The following MACROD2 variants were observed in gnomAD, a reference collection of about 807,000 sequenced individuals.
MACROD2 encodes the protein ADP-ribose glycohydrolase MACROD2.
MACROD2 carries 36 observed loss-of-function variants against 70.4 expected under a neutral mutation model. That is an observed-to-expected ratio of 0.51 (90% confidence interval 0.39 to 0.68). The LOEUF is 0.68. Ranked by LOEUF, MACROD2 falls within the 30% of genes least tolerant of loss-of-function variation. MACROD2 has a pLI of 0.00. For synonymous variants in MACROD2, 172 were observed against 178.8 expected (o/e 0.96, Z 0.30); for missense variants, 496 against 538.4 (o/e 0.92, Z 0.78).
In MACROD2 at chr20:14,178,804, C is replaced by G. The variant is rs550114131; in HGVS notation, c.271+93076C>G. 7.4e-5 allele frequency among the ~76,000 whole-genome samples: 10 copies of G among 135,310 alleles called. No individual in the cohort carries two copies. The South Asian group carries it at 2.1e-3, about 29-fold the overall frequency. The allele number at this position is 135,310 out of a possible 152,430, so 88.8% of individuals were successfully genotyped here. A position where few individuals can be genotyped will look rare whatever the true frequency, so the allele number is the denominator to read the frequency against. Reference sequence around the variant, plus strand: ...GACTTGGATGTAGAGAAAGTTTGGTCTCTCTTCCTTGTCATGTAGTCTCAC... The same window carrying G: ...GACTTGGATGTAGAGAAAGTTTGGTGTCTCTTCCTTGTCATGTAGTCTCAC... On this transcript the variant is annotated intron_variant, in intron 3 of 17. Transcript: ENST00000684519.
chr20:15,534,373 TATTAC>T (rs1355884891), intron 8 of MACROD2, among the ~76,000 whole-genome samples: 5 of 152,214 alleles, frequency 3.3e-5, no homozygotes, highest in African/African-American at 1.2e-4. Flanking sequence ...ATATAAAGCC[TATTAC>T]ATTAAAGTAA....
At chr20:14,126,387 A>G (rs1317455945) in intron 3 of MACROD2, among the ~76,000 whole-genome samples, 1 of 152,218 alleles carries the variant, frequency 6.6e-6, no homozygotes, top group African/African-American at 2.4e-5. Context: ...TAAAAGCCCT[A>G]TACAAATAAA....
chr20:14,006,107 A>G (rs528897861), intron 2 of MACROD2, among the ~76,000 whole-genome samples: 1 of 152,228 alleles, frequency 6.6e-6, no homozygotes, highest in Non-Finnish European at 1.5e-5. Context: ...AGTTGCCTAC[A>G]GTATTCTGTA....
chr20:14,566,581 C>T, intron 4 of MACROD2: 1 of 151,938 alleles, frequency 6.6e-6, no homozygotes, highest in East Asian at 1.9e-4. Flanking sequence ...TCAGATTCCC[C>T]TTTAGGACTG....
intron 7 of MACROD2, among the ~76,000 whole-genome samples, chr20:15,433,292 A>G (rs889754084): frequency 6.6e-5 from 10 of 151,900 alleles, no homozygotes; most frequent in African/African-American, 2.4e-4. Context: ...ATGATCATTT[A>G]CCTAGAAAAC....
At chr20:14,450,659 A>G (rs554294771) in intron 3 of MACROD2, among the ~76,000 whole-genome samples, 36 of 152,252 alleles carry the variant, frequency 2.4e-4, no homozygotes, top group African/African-American at 8.0e-4. Context: ...TTAAGTTAGC[A>G]TGGATTTAAA....
chr20:14,634,918 C>T (rs1395238175), intron 4 of MACROD2, among the ~76,000 whole-genome samples: 1 of 152,056 alleles, frequency 6.6e-6, no homozygotes, highest in Non-Finnish European at 1.5e-5. Context: ...AATCTCAATC[C>T]CTTCATGTCT....
At chr20:15,273,500 A>G (rs1470028455) in intron 6 of MACROD2, among the ~76,000 whole-genome samples, 1 of 152,100 alleles carries the variant, frequency 6.6e-6, no homozygotes, top group Non-Finnish European at 1.5e-5. Context: ...TACCCAAGCT[A>G]ATGCTTTCTC....
At chr20:15,337,807 G>A (rs1244975812) in intron 6 of MACROD2, among the ~76,000 whole-genome samples, 1 of 151,668 alleles carries the variant, frequency 6.6e-6, no homozygotes, top group African/African-American at 2.4e-5. Flanking sequence ...ACATATAGAA[G>A]GAAGGATTTT....
At chr20:15,743,400 A>G (rs1292247835) in intron 8 of MACROD2, among the ~76,000 whole-genome samples, 1 of 152,200 alleles carries the variant, frequency 6.6e-6, no homozygotes, top group Non-Finnish European at 1.5e-5. Context: ...TGGAGGTTAC[A>G]GCTAGTTTGA....
chr20:16,002,727 C>T (rs928273743), intron 15 of MACROD2, among the ~76,000 whole-genome samples: 2 of 152,206 alleles, frequency 1.3e-5, no homozygotes, highest in African/African-American at 2.4e-5. Context: ...TTTCAGACAT[C>T]TGGCCTCCAG....
At chr20:15,000,341 C>CATGGAAATGTTCATTTTGTGAAA (rs1600929957) in intron 5 of MACROD2, among the ~76,000 whole-genome samples, 1 of 150,140 alleles carries the variant, frequency 6.7e-6, no homozygotes, top group Admixed American at 6.6e-5. Flanking sequence ...GAGGTAGAAA[C>CATGGAAATGTTCATTTTGTGAAA]GGCCGGGCGC....
At chr20:15,058,785 G>A (rs2075508226) in intron 5 of MACROD2, among the ~76,000 whole-genome samples, 1 of 152,070 alleles carries the variant, frequency 6.6e-6, no homozygotes, top group African/African-American at 2.4e-5. Context: ...GTCCAAAACT[G>A]TAACTCAAAT....
At chr20:14,764,087 T>G (rs1268134180) in intron 5 of MACROD2, among the ~76,000 whole-genome samples, 3 of 152,048 alleles carry the variant, frequency 2.0e-5, no homozygotes, top group African/African-American at 7.3e-5. Flanking sequence ...GGCTGATGTG[T>G]TTGCTGGCAT....
chr20:14,987,429 T>G (rs2074859391), intron 5 of MACROD2, among the ~76,000 whole-genome samples: 1 of 152,138 alleles, frequency 6.6e-6, no homozygotes, highest in Non-Finnish European at 1.5e-5. Flanking sequence ...TTCACATACC[T>G]TTTTTCACTC....
intron 3 of MACROD2, among the ~76,000 whole-genome samples, chr20:14,307,528 T>C (rs1320839054): frequency 1.3e-5 from 2 of 152,158 alleles, no homozygotes; most frequent in African/African-American, 4.8e-5. Flanking sequence ...ATAACAATTG[T>C]AGATCTCCTT....
chr20:16,038,982 C>T (rs1327054825), intron 15 of MACROD2, among the ~76,000 whole-genome samples: 6 of 151,856 alleles, frequency 4.0e-5, no homozygotes, highest in African/African-American at 1.5e-4. Context: ...TCAGGGTACC[C>T]CACCAAAAAC....
At chr20:15,059,071 T>C (rs1568553503) in intron 5 of MACROD2, among the ~76,000 whole-genome samples, 1 of 152,226 alleles carries the variant, frequency 6.6e-6, no homozygotes, top group Admixed American at 6.5e-5. Flanking sequence ...ATCACTGCTA[T>C]ATCTGTACAG....
chr20:16,031,237 AG>A (rs2067147570), intron 15 of MACROD2, among the ~76,000 whole-genome samples: 3 of 152,156 alleles, frequency 2.0e-5, no homozygotes, highest in Non-Finnish European at 4.4e-5. Context: ...GAGGAAGAAA[AG>A]AAGGGAGGTA....
Sources: allele counts gnomAD v4.1 joint callset (sites outside exome capture counted in the v4.1 genomes callset), GRCh38; gene constraint gnomAD v4.1.1; transcripts MANE v1.5; gene names NCBI Gene and HGNC (gene_info 2026-07-23, HGNC 2026-07-21).